Variants in NFIC observed in about 807,000 individuals in gnomAD.
NFIC encodes the protein nuclear factor 1 C-type.
A neutral mutation model predicts 54.4 loss-of-function variants in NFIC; 12 were observed. That is an observed-to-expected ratio of 0.22 (90% CI 0.14 to 0.36). The LOEUF is 0.36. Ranked by LOEUF, NFIC falls within the 10% of genes least tolerant of loss-of-function variation. The pLI is 1.00. For missense variants in NFIC, 575 were observed against 718.2 expected, an observed-to-expected ratio of 0.80 and a Z score of 2.28; for synonymous variants, 322 against 319.2, an observed-to-expected ratio of 1.01 and a Z score of -0.09.
rs983175539 is a variant in NFIC at position 3,396,626 on chromosome 19, G to A, written c.562+14383G>A. 7.2e-5 allele frequency among the ~76,000 whole-genome samples: 11 copies of A among 152,252 alleles called. 2 individuals carry two copies. Among genetic ancestry groups the A allele is most frequent in the South Asian group, 2.1e-4 (1 of 4,818 alleles). On this transcript the variant is annotated intron_variant, in intron 2 of 10. Transcript: ENST00000443272. Reference sequence around the variant, plus strand: ...AACTTCCAACAGGGACACCACGGCCGCTCGTAGCCCAGAGCTTGCAGAGCT... The same window carrying A: ...AACTTCCAACAGGGACACCACGGCCACTCGTAGCCCAGAGCTTGCAGAGCT...
intron 10 of NFIC, among the ~76,000 whole-genome samples, chr19:3,457,404 G>C (rs1025575990): frequency 6.6e-6 from 1 of 152,188 alleles, no homozygotes; most frequent in Non-Finnish European, 1.5e-5. Context: ...GAGTGGGGGC[G>C]TGGGAGGGCA....
intron 2 of NFIC, among the ~76,000 whole-genome samples, chr19:3,382,699 C>T (rs770432177): frequency 8.9e-6 from 1 of 111,978 alleles, no homozygotes; most frequent in Non-Finnish European, 1.9e-5. Flanking sequence ...CGTCTGACGC[C>T]GGGTGACACG....
At chr19:3,386,418 G>A (rs1292915424) in intron 2 of NFIC, among the ~76,000 whole-genome samples, 1 of 147,452 alleles carries the variant, frequency 6.8e-6, no homozygotes, top group Non-Finnish European at 1.5e-5. Flanking sequence ...TACTTCCTGG[G>A]TTCAAGCGAT....
chr19:3,361,755 G>A (rs1377829384), upstream of NFIC, among the ~76,000 whole-genome samples: 2 of 152,028 alleles, frequency 1.3e-5, no homozygotes, highest in African/African-American at 4.8e-5. Context: ...CGGAGGGACG[G>A]TTGGATGCCC....
At chr19:3,443,619 A>G (rs1453327590) in intron 6 of NFIC, among the ~76,000 whole-genome samples, 1 of 152,050 alleles carries the variant, frequency 6.6e-6, no homozygotes. Context: ...CATGGGACGC[A>G]GAGGATCATG....
At chr19:3,426,963 G>A (rs2082036963) in intron 3 of NFIC, among the ~76,000 whole-genome samples, 1 of 138,086 alleles carries the variant, frequency 7.2e-6, no homozygotes, top group Non-Finnish European at 1.5e-5. Flanking sequence ...GTCAGGCTCT[G>A]TCGCCCAGGC....
chr19:3,404,211 C>T (rs1393152399), intron 2 of NFIC, among the ~76,000 whole-genome samples: 1 of 43,852 alleles, frequency 2.3e-5, no homozygotes, highest in Non-Finnish European at 4.5e-5. Context: ...GAGGCCTCAG[C>T]TTGGCTGCTG....
At chr19:3,379,089 T>C (rs532626524) in intron 1 of NFIC, among the ~76,000 whole-genome samples, 1 of 152,262 alleles carries the variant, frequency 6.6e-6, no homozygotes, top group African/African-American at 2.4e-5. Flanking sequence ...AGATGGAGTC[T>C]CGCCCTGTCA....
intron 1 of NFIC, among the ~76,000 whole-genome samples, chr19:3,381,189 G>C (rs927716632): frequency 9.9e-5 from 15 of 152,176 alleles, no homozygotes; most frequent in Admixed American, 6.5e-5. Flanking sequence ...GAGGTCAGGA[G>C]ATCGAGACCA....
rs1411796600 is a variant in NFIC at position 3,468,244 on chromosome 19, G to A, written c.*5475G>A. The A allele has an allele frequency of 1.3e-5, 2 of 148,598 alleles. No homozygotes were observed. Among genetic ancestry groups the A allele is most frequent in the Non-Finnish European group, 3.0e-5 (2 of 67,578 alleles). 9.2% of individuals were successfully genotyped at this position (148,598 alleles called of 1,614,324 possible). Reference sequence around the variant, plus strand: ...AAGGCTTTGCTCACACCTGAGACAGGAAGGAGGAAGGGGATCCAATAGGAA... The same window carrying A: ...AAGGCTTTGCTCACACCTGAGACAGAAAGGAGGAAGGGGATCCAATAGGAA... On this transcript the variant is annotated 3_prime_UTR_variant, in exon 11 of 11. Transcript: ENST00000443272.
Position 3,382,182 on chromosome 19 carries a change from C to T in NFIC, c.501C>T (p.His167=). The change falls in exon 2 of 11, where the codon CAC becomes CAT. Residue 167 remains histidine (H), a synonymous_variant. Coordinates refer to ENST00000443272, the MANE Select transcript of NFIC (RefSeq NM_001245002.2). The part of the protein sequence containing the change: ...CGHPVLCVQP[H]HIGVAVKELD... The stretch of plus-strand genomic sequence containing the variant: ...ACCCGGTCCTGTGCGTGCAGCCGCA[C>T]CACATTGGCGTGGCCGTCAAGGAGC... 1 of 1,611,746 alleles carries T rather than the reference C, an allele frequency of 6.2e-7. No individual in the cohort carries two copies. Among genetic ancestry groups the T allele is most frequent in the Non-Finnish European group, 8.5e-7 (1 of 1,179,912 alleles).
At chr19:3,444,412 C>T (rs533454397) in intron 6 of NFIC, among the ~76,000 whole-genome samples, 6 of 152,350 alleles carry the variant, frequency 3.9e-5, no homozygotes, top group South Asian at 2.1e-4. Context: ...AAGATGGCCA[C>T]TGAGATGGGC....
chr19:3,415,846 C>T (rs1031738576), intron 2 of NFIC, among the ~76,000 whole-genome samples: 4 of 151,956 alleles, frequency 2.6e-5, no homozygotes, highest in African/African-American at 4.8e-5. Context: ...ACTCAACACC[C>T]CTTTTTCTGC....
intron 2 of NFIC, among the ~76,000 whole-genome samples, chr19:3,405,928 C>G (rs956268438): frequency 6.6e-6 from 1 of 151,354 alleles, no homozygotes; most frequent in Non-Finnish European, 1.5e-5. Flanking sequence ...TTCTTCCTTT[C>G]TTTTTTTGAA....
chr19:3,421,690 C>A (rs940214012), intron 2 of NFIC, among the ~76,000 whole-genome samples: 3 of 152,202 alleles, frequency 2.0e-5, no homozygotes, highest in Admixed American at 6.5e-5. Context: ...TGTGCATAGC[C>A]ATTAGCACGG....
Position 3,398,848 on chromosome 19 carries a change from G to A in NFIC, c.562+16605G>A, listed in dbSNP as rs567954337. On this transcript the variant is annotated intron_variant, in intron 2 of 10. Transcript: ENST00000443272. ...GGAGGGGGAGGCTCTTAAAGGGACC[G>A]GCGTCCCCCGCGGCTCCCTCCACGG... 5.3e-5 allele frequency among the ~76,000 whole-genome samples: 8 copies of A among 152,344 alleles called. No homozygotes were observed. In the East Asian group the frequency reaches 1.4e-3, roughly 26 times the overall value.
In NFIC at chr19:3,369,202, GTC is replaced by G. The variant is rs2080953273; in HGVS notation, c.30+2538_30+2539del. ...TTGTGTGTCTGTCCGATGTGTCTCT[GTC>G]TGTTTCTCTGTCTCTGTCTCTCTGC... On this transcript the variant is annotated intron_variant, in intron 1 of 10. Coordinates refer to ENST00000443272, the MANE Select transcript of NFIC (RefSeq NM_001245002.2). This position sits in a 1 kb window ranked among gnomAD's most constrained non-coding sequence, Gnocchi z 4.3. Among the ~76,000 whole-genome samples, 1 of 151,336 alleles carries G rather than the reference GTC, an allele frequency of 6.6e-6. No individual in the cohort carries two copies. The highest frequency in any genetic ancestry group is 2.1e-4 in the South Asian group (1 of 4,764).
chr19:3,435,247 G>C (rs929840587), intron 6 of NFIC, 40 bp downstream of exon 6: 1 of 1,524,764 alleles, frequency 6.6e-7, no homozygotes, highest in Non-Finnish European at 8.9e-7. Context: ...CTTCCGGTCT[G>C]AGTCACCGTG....
chr19:3,425,975 C>T (rs2082022254), intron 3 of NFIC, among the ~76,000 whole-genome samples: 1 of 119,562 alleles, frequency 8.4e-6, no homozygotes, highest in Admixed American at 1.1e-4. Flanking sequence ...CACTCTGTCG[C>T]CCAGGCTAGA....
Sources: allele counts gnomAD v4.1 joint callset (sites outside exome capture counted in the v4.1 genomes callset), GRCh38; gene constraint gnomAD v4.1.1; non-coding constraint Gnocchi (gnomAD v3.1); transcripts MANE v1.5; gene names NCBI Gene and HGNC (gene_info 2026-07-23, HGNC 2026-07-21).